The following AMIGO2 variants were observed in gnomAD, a reference collection of about 807,000 sequenced individuals.
AMIGO2 encodes the protein adhesion molecule with Ig like domain 2.
Under a neutral mutation model 23.7 loss-of-function variants are expected in AMIGO2, and 15 were observed. That is an observed-to-expected ratio of 0.63 (90% confidence interval 0.42 to 0.98). The LOEUF (loss-of-function observed/expected upper bound fraction) is 0.98. Ranked by LOEUF, AMIGO2 falls within the 50% of genes least tolerant of loss-of-function variation. AMIGO2 has a pLI of 0.00. For synonymous variants in AMIGO2, 264 were observed against 252.3 expected, an observed-to-expected ratio of 1.05 and a Z score of -0.44; for missense variants, 561 against 633.1, an observed-to-expected ratio of 0.89 and a Z score of 1.22.
Position 47,078,657 on chromosome 12 carries a change from T to G in AMIGO2, c.346A>C (p.Thr116Pro). 6.2e-7 allele frequency: 1 copy of G among 1,614,042 alleles called. No homozygotes were observed. Among genetic ancestry groups the G allele is most frequent in the Non-Finnish European group, 8.5e-7 (1 of 1,180,006 alleles). The change falls in exon 3 of 3, where the codon ACT becomes CCT. Residue 116 changes from threonine (T) to proline (P), a missense_variant. Physicochemically the swap from Thr to Pro is conservative, Grantham distance 38 (BLOSUM62 -1). Coordinates refer to ENST00000550413, the MANE Select transcript of AMIGO2 (RefSeq NM_001370299.1). ...TSISTGSFST[T>P]PNLKCLDLSS... ...AAGTCAAGACACTTCAAATTTGGAG[T>G]TGTGGAAAAACTGCCCGTGGAAATG...
At position 47,077,438 on chromosome 12, in the gene AMIGO2, G is replaced by A. The variant is rs1440585185; in HGVS notation, c.1565C>T (p.Thr522Ile). The A allele has an allele frequency of 1.9e-6, 3 of 1,609,448 alleles. No individual in the cohort carries two copies. Among genetic ancestry groups the A allele is most frequent in the African/African-American group, 1.3e-5 (1 of 74,848 alleles). The change falls in exon 3 of 3, where the codon ACT becomes ATT. Residue 522 changes from threonine to isoleucine, a missense_variant. Transcript: ENST00000550413. The part of the protein sequence containing the change: ...VFSDTPFVAS[T>I] The stretch of plus-strand genomic sequence containing the variant: ...TCATACAAATATAGGCACAAATTAA[G>A]TGGACGCCACAAAAGGTGTGTCAGA...
Position 47,079,188 on chromosome 12 carries a change from A to T in AMIGO2, c.-110T>A. 1 of 780,064 alleles carries T rather than the reference A, an allele frequency of 1.3e-6. No individual in the cohort carries two copies. The highest frequency in any genetic ancestry group is 1.9e-6 in the Non-Finnish European group (1 of 516,998). 48.3% of individuals were successfully genotyped at this position (780,064 alleles called of 1,614,324 possible). On this transcript the variant is annotated 5_prime_UTR_variant, in exon 2 of 3. Coordinates refer to ENST00000550413, the MANE Select transcript of AMIGO2 (RefSeq NM_001370299.1). ...TTTGAAATGGGTTTTATTTCACAAT[A>T]GGGAGCTCTGTGTTGCCTCTTCACT... is the stretch of plus-strand genomic sequence containing the variant.
chr12:47,077,680 A>C lies in AMIGO2; in HGVS notation c.1323T>G (p.His441Gln). ...QKNMLHQSNA[H>Q]SSILSPGPAS... Reference sequence around the variant, plus strand: ...CGGGGCCAGGACTGAGAATCGATGAATGGGCATTGCTTTGGTGTAGCATAT... The same window carrying C: ...CGGGGCCAGGACTGAGAATCGATGACTGGGCATTGCTTTGGTGTAGCATAT... The change falls in exon 3 of 3, where the codon CAT (histidine) becomes CAG (glutamine). Residue 441 changes from histidine to glutamine, a missense_variant. Transcript: ENST00000550413. 6.2e-7 allele frequency: 1 copy of C among 1,614,214 alleles called. No homozygotes were observed. Among genetic ancestry groups the C allele is most frequent in the South Asian group, 1.1e-5 (1 of 91,090 alleles).
chr12:47,077,667 T>A lies in AMIGO2; in HGVS notation c.1336A>T (p.Ser446Cys), dbSNP rs1453555159. The part of the protein sequence containing the change: ...HQSNAHSSIL[S>C]PGPASDASAD... ...GAGGCATCACTAGCGGGGCCAGGAC[T>A]GAGAATCGATGAATGGGCATTGCTT... Residue 446 changes from serine to cysteine, a missense_variant, in exon 3 of 3, where the codon AGT (serine) becomes TGT (cysteine). Physicochemically the swap from Ser to Cys is moderately radical, Grantham distance 112. Transcript: ENST00000550413. 3 of 1,614,236 alleles carry A rather than the reference T, an allele frequency of 1.9e-6. No homozygotes were observed. Among genetic ancestry groups the A allele is most frequent in the Non-Finnish European group, 2.5e-6 (3 of 1,180,040 alleles).
In AMIGO2 at chr12:47,078,282, C is replaced by A; in HGVS notation, c.721G>T (p.Val241Phe). ...CTAAAGTGCCTACGATACCAAAAGA[C>A]CAGCAAGGAGTACAGGGAACAGTCA... ...VCDCSLYSLL[V>F]FWYRRHFSSV... is the part of the protein sequence containing the mutation. Residue 241 changes from valine to phenylalanine, a missense_variant, in exon 3 of 3, where the codon GTC becomes TTC. Val to Phe is a conservative substitution (Grantham distance 50). Transcript: ENST00000550413. The A allele has an allele frequency of 6.2e-7, 1 of 1,614,058 alleles. No homozygotes were observed. The highest frequency in any genetic ancestry group is 8.5e-7 in the Non-Finnish European group (1 of 1,180,036).
chr12:47,077,465 A>G lies in AMIGO2; in HGVS notation c.1538T>C (p.Phe513Ser). The G allele has an allele frequency of 5.6e-6, 9 of 1,613,750 alleles. No individual in the cohort carries two copies. The highest frequency in any genetic ancestry group is 7.6e-6 in the Non-Finnish European group (9 of 1,179,698). ...GGACGCCACAAAAGGTGTGTCAGAAAACACTGAATTGACTGAATCTGAGTC... is the reference window on the plus strand; with the variant it reads ...GGACGCCACAAAAGGTGTGTCAGAAGACACTGAATTGACTGAATCTGAGTC... Reference protein sequence around the residue: ...KSDSDSVNSVFSDTPFVAST With the variant: ...KSDSDSVNSVSSDTPFVAST The change falls in exon 3 of 3, where the codon TTT becomes TCT. Residue 513 changes from phenylalanine (F) to serine (S), a missense_variant. Transcript: ENST00000550413.
At chr12:47,079,350 T>G (rs534847387) in intron 1 of AMIGO2, 102 bp from the exon 2 acceptor site, 2 of 202,170 alleles carry the variant, frequency 9.9e-6, no homozygotes, top group East Asian at 2.4e-4. Flanking sequence ...GCGTTGTTGT[T>G]GTTGTTGTTG....
At chr12:47,075,757 T>C (rs974858666), downstream of AMIGO2, 3 of 152,226 alleles carry the variant, frequency 2.0e-5, no homozygotes, top group African/African-American at 7.2e-5. Context: ...ATCTGCAATA[T>C]TTTTCACTGT....
In AMIGO2 at chr12:47,078,731, G is replaced by C. The variant is rs371910751; in HGVS notation, c.272C>G (p.Ser91Trp). The change falls in exon 3 of 3, where the codon TCG becomes TGG. Residue 91 changes from serine to tryptophan, a missense_variant. Physicochemically the swap from Ser to Trp is radical, Grantham distance 177. Coordinates refer to ENST00000550413, the MANE Select transcript of AMIGO2 (RefSeq NM_001370299.1). ...AATTAGGGTGTTCAGCTTTGCAAAC[G>C]ATACTGGAATCCACTCAGAATCCAG... ...GLLDSEWIPV[S>W]FAKLNTLILR... The C allele has an allele frequency of 1.9e-6, 3 of 1,614,058 alleles. No individual in the cohort carries two copies. The highest frequency in any genetic ancestry group is 1.3e-5 in the African/African-American group (1 of 74,918).
Position 47,078,617 on chromosome 12 carries a change from A to G in AMIGO2, c.386T>C (p.Leu129Pro). The G allele has an allele frequency of 6.2e-7, 1 of 1,614,246 alleles. No individual in the cohort carries two copies. Among genetic ancestry groups the G allele is most frequent in the Non-Finnish European group, 8.5e-7 (1 of 1,180,044 alleles). Residue 129 changes from leucine (L) to proline (P), a missense_variant, in exon 3 of 3, where the codon CTG becomes CCG. Leu to Pro is a moderately conservative substitution (Grantham distance 98, BLOSUM62 -3). Transcript: ENST00000550413. Reference sequence around the variant, plus strand: ...GAATACAGCATTTTTCACCGTCTTCAGCTTATTGGACGATAAGTCAAGACA... The same window carrying G: ...GAATACAGCATTTTTCACCGTCTTCGGCTTATTGGACGATAAGTCAAGACA... ...LKCLDLSSNKLKTVKNAVFQE... is the reference protein window; with the variant it reads ...LKCLDLSSNKPKTVKNAVFQE...
rs1941869086 is a variant in AMIGO2, at chr12:47,077,385, T to A, written c.*49A>T. The stretch of plus-strand genomic sequence containing the variant: ...TTTATTTTGCAGACCACACACAAAG[T>A]TAAATATGAACAGATTAAATTATGA... On this transcript the variant is annotated 3_prime_UTR_variant, in exon 3 of 3. Transcript: ENST00000550413. 1.3e-6 allele frequency: 2 copies of A among 1,557,828 alleles called. No individual in the cohort carries two copies. The highest frequency in any genetic ancestry group is 2.7e-5 in the African/African-American group (2 of 73,308).
Position 47,077,287 on chromosome 12 carries a change from A to T in AMIGO2, c.*147T>A, listed in dbSNP as rs1454366877. The T allele has an allele frequency of 1.7e-6, 2 of 1,191,288 alleles. No individual in the cohort carries two copies. The highest frequency in any genetic ancestry group is 2.3e-6 in the Non-Finnish European group (2 of 878,270). The allele number at this position is 1,191,288 out of a possible 1,614,324, so 73.8% of individuals were successfully genotyped here. On this transcript the variant is annotated 3_prime_UTR_variant, in exon 3 of 3. Transcript: ENST00000550413. The stretch of plus-strand genomic sequence containing the variant: ...TTGAGGAACTGAAGTACTTTACCTC[A>T]TTTCCTACCAATCATTTTAAGAGAA...
Position 47,078,469 on chromosome 12 carries a change from T to C in AMIGO2, c.534A>G (p.Thr178=), listed in dbSNP as rs1251598374. The change falls in exon 3 of 3, where the codon ACA becomes ACG. Residue 178 remains threonine, a synonymous_variant. Coordinates refer to ENST00000550413, the MANE Select transcript of AMIGO2 (RefSeq NM_001370299.1). ...CAACATACAAATCCATCGGAAACTG[T>C]GTGAGAAAATTTCCACTTAAGTAGA... is the stretch of plus-strand genomic sequence containing the variant. ...QKLYLSGNFL[T]QFPMDLYVGR... 1 of 1,614,186 alleles carries C rather than the reference T, an allele frequency of 6.2e-7. No homozygotes were observed. The highest frequency in any genetic ancestry group is 1.1e-5 in the South Asian group (1 of 91,084).
At position 47,079,864 on chromosome 12, in the gene AMIGO2, C is replaced by T. The variant is rs1941936909; in HGVS notation, c.-573G>A. The T allele has an allele frequency of 6.6e-6, 1 of 150,522 alleles. No homozygotes were observed. The highest frequency in any genetic ancestry group is 1.5e-5 in the Non-Finnish European group (1 of 67,460). 9.3% of individuals were successfully genotyped at this position (150,522 alleles called of 1,614,324 possible). ...CTCCGCACTCGGGAGGCTGCAGGAC[C>T]CGGGGTTCCCGCGCGCCCGGGGCCG... On this transcript the variant is annotated 5_prime_UTR_variant, in exon 1 of 3. Coordinates refer to ENST00000550413, the MANE Select transcript of AMIGO2 (RefSeq NM_001370299.1).
In AMIGO2 at chr12:47,077,545, A is replaced by G. The variant is rs755912880; in HGVS notation, c.1458T>C (p.Phe486=). 2.2e-5 allele frequency: 35 copies of G among 1,614,080 alleles called. No individual in the cohort carries two copies. The Middle Eastern group carries it at 3.0e-3, about 136-fold the overall frequency. The change falls in exon 3 of 3, where the codon TTT becomes TTC. Residue 486 remains phenylalanine, a synonymous_variant. Coordinates refer to ENST00000550413, the MANE Select transcript of AMIGO2 (RefSeq NM_001370299.1). ...AAGQNGKVRL[F]PSEAVIAEGI... ...CCTCAGCTATCACTGCCTCGCTGGG[A>G]AAGAGCCTGACTTTCCCGTTCTGCC...
In AMIGO2 at chr12:47,078,638, A is replaced by T; in HGVS notation, c.365T>A (p.Leu122His). 6.2e-7 allele frequency: 1 copy of T among 1,614,246 alleles called. No individual in the cohort carries two copies. Among genetic ancestry groups the T allele is most frequent in the Non-Finnish European group, 8.5e-7 (1 of 1,180,046 alleles). Residue 122 changes from leucine (L) to histidine (H), a missense_variant, in exon 3 of 3, where the codon CTT becomes CAT. Coordinates refer to ENST00000550413, the MANE Select transcript of AMIGO2 (RefSeq NM_001370299.1). Reference protein sequence around the residue: ...SFSTTPNLKCLDLSSNKLKTV... With the variant: ...SFSTTPNLKCHDLSSNKLKTV... Reference sequence around the variant, plus strand: ...CTTCAGCTTATTGGACGATAAGTCAAGACACTTCAAATTTGGAGTTGTGGA... The same window carrying T: ...CTTCAGCTTATTGGACGATAAGTCATGACACTTCAAATTTGGAGTTGTGGA...
In AMIGO2 at chr12:47,079,317, A is replaced by T. The variant is rs889539266; in HGVS notation, c.-170-69T>A. 1.2e-5 allele frequency: 3 copies of T among 259,578 alleles called. No individual in the cohort carries two copies. In the South Asian group the frequency reaches 3.9e-4, roughly 33 times the overall value. The allele number at this position is 259,578 out of a possible 1,614,324, so 16.1% of individuals were successfully genotyped here. On this transcript the variant is annotated intron_variant, in intron 1 of 2. Transcript: ENST00000550413. ...CCGTCTCACCCACCATCAGAAACTC[A>T]ATTTTTTCCTAAGGTGCATCCTGCG...
At position 47,077,960 on chromosome 12, in the gene AMIGO2, A is replaced by C; in HGVS notation, c.1043T>G (p.Leu348Arg). The C allele has an allele frequency of 2.5e-6, 4 of 1,613,856 alleles. No individual in the cohort carries two copies. Among genetic ancestry groups the C allele is most frequent in the Non-Finnish European group, 2.5e-6 (3 of 1,180,044 alleles). Reference sequence around the variant, plus strand: ...CTCAAAACGAGGGCTTTCTATAACCAGACTTCCATTGTGAAACACGTAAAA... The same window carrying C: ...CTCAAAACGAGGGCTTTCTATAACCCGACTTCCATTGTGAAACACGTAAAA... ...ENFYVFHNGSLVIESPRFEDA... is the reference protein window; with the variant it reads ...ENFYVFHNGSRVIESPRFEDA... Residue 348 changes from leucine to arginine, a missense_variant, in exon 3 of 3, where the codon CTG becomes CGG. Coordinates refer to ENST00000550413, the MANE Select transcript of AMIGO2 (RefSeq NM_001370299.1).
Position 47,077,420 on chromosome 12 carries a change from A to G in AMIGO2, c.*14T>C, listed in dbSNP as rs1941869928. 1.2e-6 allele frequency: 2 copies of G among 1,604,376 alleles called. No individual in the cohort carries two copies. The highest frequency in any genetic ancestry group is 3.4e-5 in the Admixed American group (2 of 59,440). On this transcript the variant is annotated 3_prime_UTR_variant, in exon 3 of 3. Coordinates refer to ENST00000550413, the MANE Select transcript of AMIGO2 (RefSeq NM_001370299.1). ...ACAGATTAAATTATGACATCATACAAATATAGGCACAAATTAAGTGGACGC... is the reference window on the plus strand; with the variant it reads ...ACAGATTAAATTATGACATCATACAGATATAGGCACAAATTAAGTGGACGC...
Sources: allele counts gnomAD v4.1 joint callset, GRCh38; gene constraint gnomAD v4.1.1; transcripts MANE v1.5; gene names NCBI Gene and HGNC (gene_info 2026-07-23, HGNC 2026-07-21).